FMR1: variants seen among roughly 807,000 people sequenced by gnomAD.
FMR1 encodes the protein fragile X messenger ribonucleoprotein 1.
FMR1 carries 13 observed loss-of-function variants against 50.6 expected under a neutral mutation model. That is an observed-to-expected ratio of 0.26 (90% CI 0.17 to 0.41). The LOEUF (loss-of-function observed/expected upper bound fraction) is 0.41, where lower values mean the gene tolerates loss of function less well. Ranked by LOEUF, FMR1 falls within the 10% of genes least tolerant of loss-of-function variation. The pLI, the probability that FMR1 is intolerant of heterozygous loss-of-function variation, is 1.00. For synonymous variants in FMR1, 138 were observed against 164.1 expected, an observed-to-expected ratio of 0.84 and a Z score of 1.22; for missense variants, 316 against 491.3, an observed-to-expected ratio of 0.64 and a Z score of 3.37.
At position 147,949,437 on chromosome X, in the gene FMR1, G is replaced by A. The variant is rs1327867544; in HGVS notation, c.*593G>A. ...TAGGAATATTATATTTGGATGCAGA[G>A]TTCAGGGAAGATAAGTTGGAAACAC... On this transcript the variant is annotated 3_prime_UTR_variant, in exon 17 of 17. Transcript: ENST00000370475. 1 of 327,561 alleles carries A rather than the reference G, an allele frequency of 3.1e-6. No homozygotes were observed. The highest frequency in any genetic ancestry group is 5.9e-6 in the Non-Finnish European group (1 of 169,662). The allele number at this position is 327,561 out of a possible 1,213,427, so 27.0% of individuals were successfully genotyped here.
chrX:147,919,713 G>A (rs2043062554), intron 1 of FMR1, among the ~76,000 whole-genome samples: 1 of 111,911 alleles, frequency 8.9e-6, no homozygotes, highest in South Asian at 3.7e-4. Flanking sequence ...TTCTTTTAGC[G>A]TAGCTTTACT....
rs1557183563 is a variant in FMR1 at position 147,950,754 on chromosome X, C to T, written c.*1910C>T. 1 of 319,340 alleles carries T rather than the reference C, an allele frequency of 3.1e-6. No homozygotes were observed. The highest frequency in any genetic ancestry group is 2.8e-5 in the South Asian group (1 of 35,789). The allele number at this position is 319,340 out of a possible 1,213,427, so 26.3% of individuals were successfully genotyped here. A position where few individuals can be genotyped will look rare whatever the true frequency, so the allele number is the denominator to read the frequency against. On this transcript the variant is annotated 3_prime_UTR_variant, in exon 17 of 17. Transcript: ENST00000370475. ...ACTGTTACCATTGGAAATTTCACGT[C>T]ATAGGAAGTTAGCCTTTATCTACCA...
chrX:147,935,380 A>G (rs1557179496), intron 9 of FMR1, among the ~76,000 whole-genome samples: 1 of 112,360 alleles, frequency 8.9e-6, no homozygotes, highest in Admixed American at 9.4e-5. Context: ...AAGGCTTTTC[A>G]CTGAGTTCTT....
chrX:147,925,662 A>G, intron 3 of FMR1, 29 bp downstream of exon 3: 5 of 936,736 alleles, frequency 5.3e-6, no homozygotes, highest in Non-Finnish European at 6.2e-6. Context: ...AAAGTCATTT[A>G]GCACTGAAAG....
At chrX:147,948,523 A>C (rs1486509165) in intron 16 of FMR1, 160 bp from the exon 17 acceptor site, 14 of 1,106,863 alleles carry the variant, frequency 1.3e-5, no homozygotes, top group Non-Finnish European at 1.7e-5. Context: ...CCAAATAAAG[A>C]ATCCTACCTT....
At chrX:147,928,586 TAACTG>T (rs1765488158) in intron 4 of FMR1, 68 bp from the exon 5 acceptor site, 13 of 977,001 alleles carry the variant, frequency 1.3e-5, no homozygotes, top group Non-Finnish European at 1.9e-5. Flanking sequence ...TATTTTAAAA[TAACTG>T]AATAGGGAGA....
At chrX:147,940,180 C>CAAAAAAA (rs1569545946) in intron 12 of FMR1, 1 of 76,342 alleles carries the variant, frequency 1.3e-5, no homozygotes, top group Non-Finnish European at 2.4e-5. Flanking sequence ...AAAAAAAAAA[C>CAAAAAAA]AAAAAAGAAA....
At chrX:147,942,616 G>A (rs73606788) in intron 13 of FMR1, among the ~76,000 whole-genome samples, 2,899 of 112,065 alleles carry the variant, frequency 0.026, 98 homozygotes, top group African/African-American at 0.088. Context: ...CATAGTATAT[G>A]TTCTTTTAAA....
rs1394814932 is a variant in FMR1, at chrX:147,949,029, C to T, written c.*185C>T. On this transcript the variant is annotated 3_prime_UTR_variant, in exon 17 of 17. Transcript: ENST00000370475. ...ATAAGCAACAATTTTCAGATTTGCA[C>T]AAAAAGATACCTTAAAATTTGAAAC... The T allele has an allele frequency of 1.9e-5, 10 of 514,109 alleles. No individual in the cohort carries two copies. Among genetic ancestry groups the T allele is most frequent in the Non-Finnish European group, 3.4e-5 (10 of 291,601 alleles). 42.4% of individuals were successfully genotyped at this position (514,109 alleles called of 1,213,427 possible).
At chrX:147,935,105 T>G (rs1329938822) in intron 9 of FMR1, among the ~76,000 whole-genome samples, 1 of 112,103 alleles carries the variant, frequency 8.9e-6, no homozygotes, top group African/African-American at 3.2e-5. Context: ...AAGTCAACAT[T>G]AATTCATGAA....
Position 147,928,348 on chromosome X carries a change from G to A in FMR1, c.225G>A (p.Glu75=), listed in dbSNP as rs1300382870. ...VEVYSRANEK[E]PCCWWLAKVR... Reference sequence around the variant, plus strand: ...TGTATTCCAGAGCAAATGAAAAAGAGCCTTGCTGTTGGTGGTTAGCTAAAG... The same window carrying A: ...TGTATTCCAGAGCAAATGAAAAAGAACCTTGCTGTTGGTGGTTAGCTAAAG... The change falls in exon 4 of 17, where the codon GAG becomes GAA. Residue 75 remains glutamate (E), a synonymous_variant. Coordinates refer to ENST00000370475, the MANE Select transcript of FMR1 (RefSeq NM_002024.6). 28 of 1,206,846 alleles carry A rather than the reference G, an allele frequency of 2.3e-5. No homozygotes were observed. Among genetic ancestry groups the A allele is most frequent in the Non-Finnish European group, 3.0e-5 (27 of 892,557 alleles).
rs1557183414 is a variant in FMR1 at position 147,950,471 on chromosome X, G to T, written c.*1627G>T. The T allele has an allele frequency of 6.1e-6, 2 of 328,169 alleles. No homozygotes were observed. Among genetic ancestry groups the T allele is most frequent in the Non-Finnish European group, 1.2e-5 (2 of 169,666 alleles). 27.0% of individuals were successfully genotyped at this position (328,169 alleles called of 1,213,427 possible). A position where few individuals can be genotyped will look rare whatever the true frequency, so the allele number is the denominator to read the frequency against. ...AGCTGTTTGGTTTTAAAATACTGTAGATAATTAACCAAGGTAGAATGACCT... is the reference window on the plus strand; with the variant it reads ...AGCTGTTTGGTTTTAAAATACTGTATATAATTAACCAAGGTAGAATGACCT... On this transcript the variant is annotated 3_prime_UTR_variant, in exon 17 of 17. Transcript: ENST00000370475.
chrX:147,948,477 T>A, intron 16 of FMR1: 2 of 1,056,024 alleles, frequency 1.9e-6, no homozygotes, highest in Non-Finnish European at 2.4e-6. Context: ...ACCAGTGTGT[T>A]CCAGTTAAAG....
chrX:147,950,858 T>C lies in FMR1; in HGVS notation c.*2014T>C. ...CACAGTGTACCATTAAAATATGCAC[T>C]AAGTCTCTTTTTTACAAAGGCTGTA... On this transcript the variant is annotated 3_prime_UTR_variant, in exon 17 of 17. Coordinates refer to ENST00000370475, the MANE Select transcript of FMR1 (RefSeq NM_002024.6). The C allele has an allele frequency of 3.2e-6, 1 of 310,649 alleles. No individual in the cohort carries two copies. Among genetic ancestry groups the C allele is most frequent in the East Asian group, 9.9e-5 (1 of 10,133 alleles). 25.6% of individuals were successfully genotyped at this position (310,649 alleles called of 1,213,427 possible).
rs1557182814 is a variant in FMR1, at chrX:147,949,082, A to G, written c.*238A>G. The G allele has an allele frequency of 8.4e-6, 4 of 476,631 alleles. No individual in the cohort carries two copies. The highest frequency in any genetic ancestry group is 7.6e-6 in the Non-Finnish European group (2 of 264,157). The allele number at this position is 476,631 out of a possible 1,213,427, so 39.3% of individuals were successfully genotyped here. ...TGCTTTTAAAACTACTTAGCACTTC[A>G]GGGCAGATTTTAGTTTTATTTTCTA... On this transcript the variant is annotated 3_prime_UTR_variant, in exon 17 of 17. Transcript: ENST00000370475.
chrX:147,912,317 T>C, intron 1 of FMR1, 87 bp downstream of exon 1: 1 of 928,042 alleles, frequency 1.1e-6, no homozygotes, highest in South Asian at 2.2e-5. Context: ...CCCGGGGCCC[T>C]CTTCCCGAGC....
intron 1 of FMR1, chrX:147,913,937 C>T (rs1557174557): frequency 9.0e-6 from 1 of 111,697 alleles, no homozygotes; most frequent in African/African-American, 3.3e-5. Flanking sequence ...TTTGATTGAC[C>T]TGTGATATAA....
At chrX:147,940,229 C>A in intron 12 of FMR1, 1 of 162,057 alleles carries the variant, frequency 6.2e-6, no homozygotes, top group African/African-American at 3.2e-5. Flanking sequence ...TAAAGCCTTT[C>A]ATAAATGAAT....
intron 1 of FMR1, chrX:147,913,468 A>C (rs1291927646): frequency 8.9e-6 from 1 of 112,238 alleles, no homozygotes; most frequent in African/African-American, 3.2e-5. Flanking sequence ...GAAAATAGCT[A>C]TTAGCAGTGT....
Sources: allele counts gnomAD v4.1 joint callset (sites outside exome capture counted in the v4.1 genomes callset), GRCh38; gene constraint gnomAD v4.1.1; transcripts MANE v1.5; gene names NCBI Gene and HGNC (gene_info 2026-07-23, HGNC 2026-07-21).